Variants in CTNNA3 observed in about 807,000 individuals in gnomAD.
The protein encoded by CTNNA3 is catenin alpha 3.
CTNNA3 carries 76 observed loss-of-function variants against 95.7 expected under a neutral mutation model. That is an observed-to-expected ratio of 0.79 (90% CI 0.66 to 0.96). The LOEUF is 0.96. Ranked by LOEUF, CTNNA3 falls within the 40% of genes least tolerant of loss-of-function variation. The probability of loss-of-function intolerance (pLI) is 0.00; values close to 1 mark genes in which losing one functional copy is unlikely to be tolerated. For synonymous variants in CTNNA3, 431 were observed against 374.4 expected (o/e 1.15, Z -1.74); for missense variants, 1,191 against 1,089.8 (o/e 1.09, Z -1.31).
chr10:67,674,532 T>C (rs1321656852), intron 1 of CTNNA3, among the ~76,000 whole-genome samples: 2 of 152,112 alleles, frequency 1.3e-5, no homozygotes, highest in African/African-American at 2.4e-5. Context: ...TATTGTCAAA[T>C]TGGTCTCCAA....
intron 15 of CTNNA3, among the ~76,000 whole-genome samples, chr10:65,992,622 G>C (rs1320898888): frequency 1.3e-5 from 2 of 151,548 alleles, no homozygotes; most frequent in African/African-American, 4.8e-5. Flanking sequence ...TGTTTATTTG[G>C]GTATTCTCTC....
chr10:66,119,018 A>G (rs2082457157), intron 13 of CTNNA3, among the ~76,000 whole-genome samples: 2 of 152,176 alleles, frequency 1.3e-5, no homozygotes, highest in African/African-American at 4.8e-5. Context: ...CTGGGATTAC[A>G]GGGGTGAGCC....
chr10:66,803,249 C>T (rs1045606738), intron 7 of CTNNA3, among the ~76,000 whole-genome samples: 1 of 151,900 alleles, frequency 6.6e-6, no homozygotes, highest in Non-Finnish European at 1.5e-5. Context: ...CTACCTCTAA[C>T]TCTCATATTT....
At chr10:67,406,375 G>T (rs1256470981) in intron 5 of CTNNA3, among the ~76,000 whole-genome samples, 1 of 152,136 alleles carries the variant, frequency 6.6e-6, no homozygotes, top group East Asian at 1.9e-4. Flanking sequence ...TGAAATTAAT[G>T]AGAACAAAAA....
At chr10:66,071,301 T>C (rs1051692263) in intron 14 of CTNNA3, among the ~76,000 whole-genome samples, 4 of 60,546 alleles carry the variant, frequency 6.6e-5, no homozygotes, top group Non-Finnish European at 1.1e-4. Context: ...TAGAAATAAC[T>C]GTCAAAGGCT....
chr10:66,007,487 A>C (rs1354389314), intron 15 of CTNNA3, among the ~76,000 whole-genome samples: 1 of 152,184 alleles, frequency 6.6e-6, no homozygotes, highest in Non-Finnish European at 1.5e-5. Flanking sequence ...GTTAAAGCAA[A>C]ATCACCATAA....
intron 2 of CTNNA3, among the ~76,000 whole-genome samples, chr10:67,633,531 C>T (rs1589513049): frequency 6.6e-6 from 1 of 152,276 alleles, no homozygotes; most frequent in Admixed American, 6.5e-5. Context: ...GAAGAAGGAG[C>T]AGGCTGCTGT....
chr10:66,103,350 A>G (rs2081731495), intron 13 of CTNNA3, 101 bp from the exon 14 acceptor site: 2 of 868,840 alleles, frequency 2.3e-6, no homozygotes, highest in Admixed American at 4.0e-5. Context: ...TAAAGTTACC[A>G]TATGACCCAG....
intron 15 of CTNNA3, among the ~76,000 whole-genome samples, chr10:66,023,917 ACTCG>A: frequency 6.6e-6 from 1 of 152,072 alleles, no homozygotes; most frequent in African/African-American, 2.4e-5. Context: ...CCCATATGAA[ACTCG>A]TTCTACGATA....
intron 5 of CTNNA3, among the ~76,000 whole-genome samples, chr10:67,368,743 A>G (rs1843306568): frequency 6.6e-6 from 1 of 152,234 alleles, no homozygotes; most frequent in Non-Finnish European, 1.5e-5. Flanking sequence ...GCTGAGTGAA[A>G]AAAAGCTACA....
intron 5 of CTNNA3, among the ~76,000 whole-genome samples, chr10:67,421,411 T>G (rs1845746043): frequency 6.6e-6 from 1 of 152,242 alleles, no homozygotes; most frequent in Non-Finnish European, 1.5e-5. Flanking sequence ...GTTTTTGTTT[T>G]GTAGACCAAA....
chr10:66,949,747 T>C (rs939912530), intron 7 of CTNNA3, among the ~76,000 whole-genome samples: 2 of 152,162 alleles, frequency 1.3e-5, no homozygotes. Context: ...GCAGACTTGC[T>C]AGACACAGGC....
chr10:66,227,786 C>T (rs1056057367), intron 13 of CTNNA3, among the ~76,000 whole-genome samples: 30 of 152,076 alleles, frequency 2.0e-4, no homozygotes, highest in African/African-American at 7.2e-4. Context: ...GCAGTGAAGT[C>T]ATCTGGTCCT....
intron 5 of CTNNA3, among the ~76,000 whole-genome samples, chr10:67,385,019 C>T (rs564795515): frequency 6.6e-5 from 10 of 151,696 alleles, no homozygotes; most frequent in African/African-American, 2.4e-4. Flanking sequence ...ATTTGAATTT[C>T]TTTTCGGTTA....
chr10:66,649,933 G>T (rs909684682), intron 9 of CTNNA3, among the ~76,000 whole-genome samples: 1 of 152,188 alleles, frequency 6.6e-6, no homozygotes, highest in South Asian at 2.1e-4. Flanking sequence ...CAGACAAGCC[G>T]GAAGCTAAAA....
intron 1 of CTNNA3, among the ~76,000 whole-genome samples, chr10:67,674,438 G>A (rs1840498700): frequency 6.6e-6 from 1 of 152,036 alleles, no homozygotes; most frequent in Non-Finnish European, 1.5e-5. Context: ...CCAGTCTGTG[G>A]TATTTTACTC....
intron 5 of CTNNA3, among the ~76,000 whole-genome samples, chr10:67,282,631 C>T (rs1839443472): frequency 6.6e-6 from 1 of 152,112 alleles, no homozygotes; most frequent in Non-Finnish European, 1.5e-5. Context: ...CGCAGTTTTA[C>T]AATTTATGAA....
intron 3 of CTNNA3, among the ~76,000 whole-genome samples, chr10:67,580,968 T>C (rs1842371084): frequency 6.6e-6 from 1 of 152,132 alleles, no homozygotes; most frequent in African/African-American, 2.4e-5. Flanking sequence ...GCTGAGACAA[T>C]GGGGTTTTCT....
rs139794598 is a variant in CTNNA3 at position 67,754,767 on chromosome 10, A to G, written c.-2+8667T>C. ...CAAAAACAACCCATAGAACGGGGGAAAAGATCTGCAAACTACGTATCTGAC... is the reference window on the plus strand; with the variant it reads ...CAAAAACAACCCATAGAACGGGGGAGAAGATCTGCAAACTACGTATCTGAC... On this transcript the variant is annotated intron_variant, in intron 1 of 17. Coordinates refer to the CTNNA3 transcript ENST00000684154. Among the ~76,000 whole-genome samples, 12 of 152,360 alleles carry G rather than the reference A, an allele frequency of 7.9e-5. No homozygotes were observed. The East Asian group carries it at 2.3e-3, about 29-fold the overall frequency.
Sources: allele counts gnomAD v4.1 joint callset (sites outside exome capture counted in the v4.1 genomes callset), GRCh38; gene constraint gnomAD v4.1.1; transcripts MANE v1.5; gene names NCBI Gene and HGNC (gene_info 2026-07-23, HGNC 2026-07-21).